DGKH: variants seen among roughly 807,000 people sequenced by gnomAD.
The protein encoded by DGKH is diacylglycerol kinase eta.
In DGKH, 90 loss-of-function variants were observed where a neutral mutation model predicts 159.3. The ratio of observed to expected loss-of-function variants is 0.57; its 90% CI spans 0.48 to 0.67. The LOEUF is 0.67. Ranked by LOEUF, DGKH falls within the 30% of genes least tolerant of loss-of-function variation. The pLI, the probability that DGKH is intolerant of heterozygous loss-of-function variation, is 0.00. For synonymous variants in DGKH, 536 were observed against 553.8 expected (o/e 0.97, Z 0.45); for missense variants, 1,181 against 1,506.1 (o/e 0.78, Z 3.57).
At chr13:42,187,829 C>T (rs1956969244) in intron 14 of DGKH, among the ~76,000 whole-genome samples, 1 of 152,198 alleles carries the variant, frequency 6.6e-6, no homozygotes, top group South Asian at 2.1e-4. Flanking sequence ...CTAGACATTA[C>T]AATTCTTGGT....
At chr13:42,142,526 G>A (rs1434890045) in intron 3 of DGKH, among the ~76,000 whole-genome samples, 4 of 151,804 alleles carry the variant, frequency 2.6e-5, no homozygotes, top group African/African-American at 9.7e-5. Flanking sequence ...TCCTACCCAT[G>A]AGCATGGAAT....
At chr13:42,071,135 A>G (rs1882939756) in intron 1 of DGKH, 1 of 696,188 alleles carries the variant, frequency 1.4e-6, no homozygotes, top group South Asian at 2.4e-5. Flanking sequence ...GAATTGTTGA[A>G]CTTGTGTAAA....
chr13:42,191,003 TCATAGGACTTTAAAG>T (rs1321144846), intron 16 of DGKH, among the ~76,000 whole-genome samples: 10 of 152,198 alleles, frequency 6.6e-5, no homozygotes, highest in Non-Finnish European at 1.3e-4. Context: ...AGCTTCAAAA[TCATAGGACTTTAAAG>T]CAAGCGTTAA....
chr13:42,188,856 G>A (rs1956992405), intron 14 of DGKH, among the ~76,000 whole-genome samples, 180 bp from the exon 15 acceptor site: 1 of 152,104 alleles, frequency 6.6e-6, no homozygotes, highest in Non-Finnish European at 1.5e-5. Flanking sequence ...CTACTAAATG[G>A]AGATTTTAAA....
At chr13:42,196,358 A>G (rs886788871) in intron 17 of DGKH, among the ~76,000 whole-genome samples, 2 of 152,244 alleles carry the variant, frequency 1.3e-5, no homozygotes, top group Non-Finnish European at 2.9e-5. Context: ...ATGACTATTT[A>G]TAGCAGCATT....
chr13:42,162,890 T>C (rs1956221968), intron 7 of DGKH, among the ~76,000 whole-genome samples: 1 of 152,000 alleles, frequency 6.6e-6, no homozygotes, highest in African/African-American at 2.4e-5. Flanking sequence ...ACTTTTAGTT[T>C]TAGGGTACAT....
intron 2 of DGKH, among the ~76,000 whole-genome samples, chr13:42,127,811 CCTTT>C (rs1400472417): frequency 6.6e-6 from 1 of 152,156 alleles, no homozygotes; most frequent in Admixed American, 6.5e-5. Flanking sequence ...TTTCGTTCTT[CCTTT>C]CTTCTTTCTT....
chr13:42,223,536 C>T (rs951370846), intron 29 of DGKH, among the ~76,000 whole-genome samples: 53 of 152,118 alleles, frequency 3.5e-4, no homozygotes, highest in African/African-American at 1.1e-3. Context: ...CCGAGGCGGG[C>T]GGATCACGAG....
intron 20 of DGKH, among the ~76,000 whole-genome samples, chr13:42,204,149 T>C (rs1315578233): frequency 1.3e-5 from 2 of 152,204 alleles, no homozygotes; most frequent in Non-Finnish European, 2.9e-5. Flanking sequence ...AAAATATTTT[T>C]AAAATATTTC....
intron 3 of DGKH, among the ~76,000 whole-genome samples, chr13:42,132,331 A>G (rs1303480202): frequency 6.6e-6 from 1 of 152,212 alleles, no homozygotes; most frequent in Non-Finnish European, 1.5e-5. Flanking sequence ...TGTTATTGTT[A>G]ACTATAGTCA....
chr13:42,137,782 A>C (rs1187659620), intron 3 of DGKH, among the ~76,000 whole-genome samples: 1 of 152,224 alleles, frequency 6.6e-6, no homozygotes, highest in African/African-American at 2.4e-5. Context: ...CATTATTATA[A>C]AAAAGGTCTG....
chr13:42,256,347 T>C, exon 31 of DGKH: 1 of 1,589,134 alleles, frequency 6.3e-7, no homozygotes, highest in Non-Finnish European at 8.6e-7. Flanking sequence ...AACAAGCTGA[T>C]GAATGAGTCT....
Position 42,199,837 on chromosome 13 carries a change from G to A in DGKH, c.2421G>A (p.Trp807Ter). ...GGAGCCGAACTAAAAACTTGATGTG[G>A]TATGGAGTCCTTGGAACCCGGGAGT... is the stretch of plus-strand genomic sequence containing the variant. The part of the protein sequence containing the change: ...KCRSRTKNLM[W>*]YGVLGTRELL... Residue 807 changes from tryptophan (W) to a stop codon, truncating the protein, a stop_gained, in exon 20 of 30, where the codon TGG becomes TGA. Coordinates refer to ENST00000337343, the MANE Select transcript of DGKH (RefSeq NM_178009.5). LOFTEE classifies it high-confidence loss of function. 6.2e-7 allele frequency: 1 copy of A among 1,612,314 alleles called. No homozygotes were observed. The highest frequency in any genetic ancestry group is 1.7e-5 in the Admixed American group (1 of 59,754).
chr13:42,229,150 A>C lies in DGKH; in HGVS notation c.3625A>C (p.Lys1209Gln). ...TGTGAAGCGAATTCTCCAGGGAATT[A>C]AAGAGCTTGGAAGGAGCACTCCACA... The part of the protein sequence containing the change: ...GHVKRILQGI[K>Q]ELGRSTPQSE... Residue 1209 changes from lysine to glutamine, a missense_variant, in exon 30 of 30, where the codon AAA (lysine) becomes CAA (glutamine). Physicochemically the swap from Lys to Gln is moderately conservative, Grantham distance 53. Coordinates refer to ENST00000337343, the MANE Select transcript of DGKH (RefSeq NM_178009.5). The C allele has an allele frequency of 6.2e-7, 1 of 1,611,880 alleles. No individual in the cohort carries two copies. Among genetic ancestry groups the C allele is most frequent in the Non-Finnish European group, 8.5e-7 (1 of 1,179,416 alleles).
At chr13:42,160,729 G>A (rs1453958992) in intron 7 of DGKH, among the ~76,000 whole-genome samples, 1 of 152,214 alleles carries the variant, frequency 6.6e-6, no homozygotes, top group South Asian at 2.1e-4. Context: ...GGGCGATGCT[G>A]CTCTACAATG....
chr13:42,121,347 G>A (rs183955492), intron 1 of DGKH, among the ~76,000 whole-genome samples: 55 of 152,260 alleles, frequency 3.6e-4, no homozygotes, highest in African/African-American at 1.2e-3. Flanking sequence ...TTCTGAGCAC[G>A]TTTAAGGTAG....
chr13:42,043,803 G>A (rs1371009908), upstream of DGKH: 1 of 151,998 alleles, frequency 6.6e-6, no homozygotes, highest in African/African-American at 2.4e-5. Flanking sequence ...ATAAGGGCAT[G>A]TACATATAAC....
chr13:42,069,471 A>C (rs1434970853), intron 1 of DGKH: 13 of 1,552,954 alleles, frequency 8.4e-6, no homozygotes, highest in Non-Finnish European at 2.7e-6. Context: ...CAGTAGACTC[A>C]TGTTGGAAAC....
At chr13:42,052,500 A>T (rs1164202155) in intron 1 of DGKH, among the ~76,000 whole-genome samples, 1 of 152,250 alleles carries the variant, frequency 6.6e-6, no homozygotes, top group Non-Finnish European at 1.5e-5. Context: ...AGTGGTGCTG[A>T]TGCAGGAAAG....
Sources: allele counts gnomAD v4.1 joint callset (sites outside exome capture counted in the v4.1 genomes callset), GRCh38; gene constraint gnomAD v4.1.1; transcripts MANE v1.5; gene names NCBI Gene and HGNC (gene_info 2026-07-23, HGNC 2026-07-21).